MLLT6: variants seen among roughly 807,000 people sequenced by gnomAD.
MLLT6 encodes protein AF-17.
In MLLT6, 22 loss-of-function variants were observed where a neutral mutation model predicts 103.0. That is an observed-to-expected ratio of 0.21 (90% CI 0.15 to 0.31). MLLT6 has a LOEUF of 0.31. Ranked by LOEUF, MLLT6 falls within the 10% of genes least tolerant of loss-of-function variation. The probability of loss-of-function intolerance (pLI) is 1.00; values close to 1 mark genes in which losing one functional copy is unlikely to be tolerated. For missense variants in MLLT6, 1,199 were observed against 1,441.7 expected (o/e 0.83, Z 2.73); for synonymous variants, 606 against 623.5 (o/e 0.97, Z 0.42).
intron 8 of MLLT6, 188 bp from the exon 9 acceptor site, chr17:38,715,424 C>T: frequency 1.1e-6 from 1 of 942,222 alleles, no homozygotes; most frequent in Non-Finnish European, 1.5e-6. Context: ...CCCAGGAGTG[C>T]CACAGCTGCC....
chr17:38,715,879 C>T (rs756767745), intron 9 of MLLT6, 51 bp downstream of exon 9: 9 of 1,470,546 alleles, frequency 6.1e-6, no homozygotes, highest in Non-Finnish European at 9.3e-7. Flanking sequence ...GCCTTTTGTC[C>T]TGAGCTTTTC....
rs373495863 is a variant in MLLT6 at position 38,705,715 on chromosome 17, A to G, written c.83A>G (p.His28Arg). The G allele has an allele frequency of 3.5e-5, 53 of 1,528,298 alleles. No individual in the cohort carries two copies. The highest frequency in any genetic ancestry group is 4.5e-5 in the Non-Finnish European group (51 of 1,133,260). The allele number at this position is 1,528,298 out of a possible 1,614,324, so 94.7% of individuals were successfully genotyped here. A position where few individuals can be genotyped will look rare whatever the true frequency, so the allele number is the denominator to read the frequency against. ...AACCCGCTGGTCTACTGCGATGGGC[A>G]CGCGTGCAGCGTGGCCGTCCACCAA... ...AENPLVYCDG[H>R]ACSVAVHQAC... is the part of the protein sequence containing the mutation. Residue 28 changes from histidine (H) to arginine (R), a missense_variant, in exon 1 of 20, where the codon CAC becomes CGC. Around this residue, in one of 7 missense-constraint regions of MLLT6, gnomAD observed 24 missense variants for 38.7 expected, o/e 0.62. Coordinates refer to ENST00000621332, the MANE Select transcript of MLLT6 (RefSeq NM_005937.4).
rs1394939199 is a variant in MLLT6 at position 38,716,673 on chromosome 17, T to C, written c.1343T>C (p.Leu448Pro). ...GGCACCCACAAACGGATGCCCGCAC[T>C]GAGTGCCACCCCTGTGCCTGCTGAT... Reference protein sequence around the residue: ...SAGTHKRMPALSATPVPADET... With the variant: ...SAGTHKRMPAPSATPVPADET... The change falls in exon 10 of 20, where the codon CTG becomes CCG. Residue 448 changes from leucine (L) to proline (P), a missense_variant. By Grantham distance (98) the Leu-to-Pro change is moderately conservative. This residue lies in a region of MLLT6 where 1,034 missense variants were observed against 1,091.5 expected (regional missense o/e 0.95). Transcript: ENST00000621332. The surrounding 1 kb of genome is among the most constrained non-coding windows in gnomAD (Gnocchi z 5.6). 2 of 1,613,084 alleles carry C rather than the reference T, an allele frequency of 1.2e-6. No homozygotes were observed. The highest frequency in any genetic ancestry group is 1.7e-6 in the Non-Finnish European group (2 of 1,179,792).
chr17:38,712,073 A>G (rs1905160734), intron 7 of MLLT6, 59 bp downstream of exon 7: 19 of 1,467,616 alleles, frequency 1.3e-5, no homozygotes, highest in East Asian at 2.5e-5. Flanking sequence ...ACTCACAAAC[A>G]TGGCTCAAAA....
intron 7 of MLLT6, chr17:38,712,216 G>A (rs1412551160): frequency 1.8e-5 from 12 of 665,550 alleles, no homozygotes; most frequent in African/African-American, 3.9e-5. Flanking sequence ...GGCTGTGTTA[G>A]TGGTTCCTCT....
In MLLT6 at chr17:38,705,666, T is replaced by G; in HGVS notation, c.34T>G (p.Ser12Ala). 6.4e-7 allele frequency: 1 copy of G among 1,570,754 alleles called. No individual in the cohort carries two copies. The highest frequency in any genetic ancestry group is 1.9e-4 in the Middle Eastern group (1 of 5,324). The change falls in exon 1 of 20, where the codon TCG (serine) becomes GCG (alanine). Residue 12 changes from serine to alanine, a missense_variant. Ser to Ala is a moderately conservative substitution (Grantham distance 99, BLOSUM62 1). Coordinates refer to ENST00000621332, the MANE Select transcript of MLLT6 (RefSeq NM_005937.4). ...KEMVGGCCVC[S>A]DERGWAENPL... ...GATGGTAGGAGGCTGCTGCGTATGT[T>G]CGGACGAGAGGGGCTGGGCCGAGAA...
rs1365368825 is a variant in MLLT6, at chr17:38,727,997, C to A, written c.*2399C>A. 1 of 233,128 alleles carries A rather than the reference C, an allele frequency of 4.3e-6. No homozygotes were observed. Among genetic ancestry groups the A allele is most frequent in the Non-Finnish European group, 8.5e-6 (1 of 118,044 alleles). 14.4% of individuals were successfully genotyped at this position (233,128 alleles called of 1,614,324 possible). A position where few individuals can be genotyped will look rare whatever the true frequency, so the allele number is the denominator to read the frequency against. On this transcript the variant is annotated 3_prime_UTR_variant, in exon 20 of 20. Coordinates refer to ENST00000621332, the MANE Select transcript of MLLT6 (RefSeq NM_005937.4). ...TCTGTGCATTGAAACCAAGACACCCCACCCAGAACACTTCTTCCCTCCCTC... is the reference window on the plus strand; with the variant it reads ...TCTGTGCATTGAAACCAAGACACCCAACCCAGAACACTTCTTCCCTCCCTC...
chr17:38,713,083 G>A (rs566412406), intron 8 of MLLT6: 19 of 759,630 alleles, frequency 2.5e-5, no homozygotes, highest in East Asian at 7.4e-5. Flanking sequence ...AGTGGGGGAC[G>A]GCACTCAGGC....
In MLLT6 at chr17:38,716,871, T is replaced by C. The variant is rs1905371186; in HGVS notation, c.1541T>C (p.Phe514Ser). 1 of 1,613,692 alleles carries C rather than the reference T, an allele frequency of 6.2e-7. No individual in the cohort carries two copies. Among genetic ancestry groups the C allele is most frequent in the African/African-American group, 1.3e-5 (1 of 75,042 alleles). The change falls in exon 10 of 20, where the codon TTC (phenylalanine) becomes TCC (serine). Residue 514 changes from phenylalanine to serine, a missense_variant. By Grantham distance (155) the Phe-to-Ser change is radical (BLOSUM62 -2). Around this residue, in one of 7 missense-constraint regions of MLLT6, gnomAD observed 1,034 missense variants for 1,091.5 expected, o/e 0.95. Transcript: ENST00000621332. This position sits in a 1 kb window ranked among gnomAD's most constrained non-coding sequence, Gnocchi z 5.6. ...AGFTATAASP[F>S]SGGSLVSSGL... ...TTTACCGCCACTGCTGCCTCACCCT[T>C]CTCTGGAGGTTCCCTGGTCAGCTCC...
chr17:38,722,322 G>A lies in MLLT6; in HGVS notation c.2792+95G>A, dbSNP rs1007271427. On this transcript the variant is annotated intron_variant, in intron 17 of 19. Coordinates refer to ENST00000621332, the MANE Select transcript of MLLT6 (RefSeq NM_005937.4). ...CCCAAAACACCCACAATCCCTAAAA[G>A]GAAAAATGGCCTCTGGTCTCACAGG... 116 of 981,632 alleles carry A rather than the reference G, an allele frequency of 1.2e-4. No homozygotes were observed. In the East Asian group the frequency reaches 3.2e-3, roughly 27 times the overall value. The allele number at this position is 981,632 out of a possible 1,614,324, so 60.8% of individuals were successfully genotyped here. A position where few individuals can be genotyped will look rare whatever the true frequency, so the allele number is the denominator to read the frequency against.
At chr17:38,712,836 G>C (rs764717349) in intron 8 of MLLT6, 47 bp downstream of exon 8, 1 of 1,441,396 alleles carries the variant, frequency 6.9e-7, no homozygotes, top group Non-Finnish European at 9.7e-7. Context: ...GTCTGGGGTG[G>C]CAGAGGGAGG....
At chr17:38,722,504 T>C (rs1001858279) in intron 17 of MLLT6, among the ~76,000 whole-genome samples, 174 bp from the exon 18 acceptor site, 1 of 152,176 alleles carries the variant, frequency 6.6e-6, no homozygotes, top group Non-Finnish European at 1.5e-5. Context: ...AAATCAGACC[T>C]GTATCCCTCT....
At position 38,724,411 on chromosome 17, in the gene MLLT6, CA is replaced by C; in HGVS notation, c.2884-206del. The C allele has an allele frequency of 1.9e-6, 1 of 516,068 alleles. No homozygotes were observed. 32.0% of individuals were successfully genotyped at this position (516,068 alleles called of 1,614,324 possible). On this transcript the variant is annotated intron_variant, in intron 18 of 19. Coordinates refer to ENST00000621332, the MANE Select transcript of MLLT6 (RefSeq NM_005937.4). This position sits in a 1 kb window ranked among gnomAD's most constrained non-coding sequence, Gnocchi z 5.4. The stretch of plus-strand genomic sequence containing the variant: ...TGTTGGCCGGCAGTGCTGCAGCTGG[CA>C]AATACCAATGGCGTGCAACCATTTT...
In MLLT6 at chr17:38,729,278, G is replaced by T; in HGVS notation, c.*3680G>T. The T allele has an allele frequency of 4.3e-6, 1 of 233,304 alleles. No individual in the cohort carries two copies. 14.5% of individuals were successfully genotyped at this position (233,304 alleles called of 1,614,324 possible). ...TCAACTTATTTTCCTGGGGAGAGGT[G>T]CCTAGAGGGATTGAGGTAACTTCAA... On this transcript the variant is annotated 3_prime_UTR_variant, in exon 20 of 20. Coordinates refer to ENST00000621332, the MANE Select transcript of MLLT6 (RefSeq NM_005937.4).
chr17:38,722,782 C>T lies in MLLT6; in HGVS notation c.2883+14C>T. The T allele has an allele frequency of 5.0e-6, 8 of 1,597,494 alleles. No homozygotes were observed. Among genetic ancestry groups the T allele is most frequent in the Non-Finnish European group, 6.0e-6 (7 of 1,165,354 alleles). ...CAGCTGACCCCGGTAATGCCCCTCC[C>T]TTCCCTGCCTCAGGTGCCCCTTGGT... On this transcript the variant is annotated intron_variant, in intron 18 of 19. Transcript: ENST00000621332.
At chr17:38,717,310 CTG>C in intron 10 of MLLT6, 120 bp from the exon 11 acceptor site, 2 of 828,002 alleles carry the variant, frequency 2.4e-6, no homozygotes, top group Non-Finnish European at 3.8e-6. Context: ...GAGGGTTAGA[CTG>C]GGGCATGTAG....
Position 38,705,542 on chromosome 17 carries a change from G to C in MLLT6, c.-91G>C, listed in dbSNP as rs1255405338. 6 of 531,680 alleles carry C rather than the reference G, an allele frequency of 1.1e-5. No individual in the cohort carries two copies. The highest frequency in any genetic ancestry group is 2.0e-5 in the African/African-American group (1 of 49,756). 32.9% of individuals were successfully genotyped at this position (531,680 alleles called of 1,614,324 possible). On this transcript the variant is annotated 5_prime_UTR_variant, in exon 1 of 20. Coordinates refer to ENST00000621332, the MANE Select transcript of MLLT6 (RefSeq NM_005937.4). The stretch of plus-strand genomic sequence containing the variant: ...AGGGAGAGGAGGAGGGGGCGAGGAG[G>C]CGCGCGGCCCCCCGCTCCCTCCCTC...
intron 8 of MLLT6, chr17:38,713,198 C>T (rs764662651): frequency 6.4e-5 from 39 of 608,620 alleles, no homozygotes; most frequent in Non-Finnish European, 1.1e-4. Context: ...CCAAATCCCA[C>T]TCTGTGCAGG....
chr17:38,725,362 G>A (rs1012801449), intron 19 of MLLT6, 195 bp from the exon 20 acceptor site: 4 of 586,230 alleles, frequency 6.8e-6, no homozygotes, highest in African/African-American at 5.8e-5. Context: ...CACGCAGCCC[G>A]GTGCTCTTCT....
Sources: allele counts gnomAD v4.1 joint callset (sites outside exome capture counted in the v4.1 genomes callset), GRCh38; gene constraint gnomAD v4.1.1; regional missense constraint gnomAD v4.1.1; non-coding constraint Gnocchi (gnomAD v3.1); transcripts MANE v1.5; gene names NCBI Gene and HGNC (gene_info 2026-07-23, HGNC 2026-07-21).